The following SYCP1 variants were observed in gnomAD, a reference collection of about 807,000 sequenced individuals.
SYCP1 encodes the protein synaptonemal complex protein 1.
Under a neutral mutation model 153.1 loss-of-function variants are expected in SYCP1, and 64 were observed. The observed-to-expected ratio is 0.42, with a 90% confidence interval of 0.34 to 0.51. SYCP1 has a LOEUF of 0.51. Ranked by LOEUF, SYCP1 falls within the 20% of genes least tolerant of loss-of-function variation. The pLI is 0.06. For synonymous variants in SYCP1, 384 were observed against 341.8 expected (o/e 1.12, Z -1.36); for missense variants, 997 against 1,049.0 (o/e 0.95, Z 0.68).
intron 15 of SYCP1, among the ~76,000 whole-genome samples, chr1:114,892,518 T>TA (rs1412039825): frequency 1.3e-5 from 2 of 152,142 alleles, no homozygotes; most frequent in Admixed American, 1.3e-4. Context: ...CTTCACCTGG[T>TA]AGCTGGCAGT....
At chr1:114,944,719 C>T (rs923839023) in intron 24 of SYCP1, among the ~76,000 whole-genome samples, 153 bp from the exon 25 acceptor site, 8 of 151,798 alleles carry the variant, frequency 5.3e-5, no homozygotes, top group South Asian at 2.1e-4. Context: ...TAAAACACCC[C>T]GAAAAAACCC....
At chr1:114,907,662 A>T (rs1219196820) in intron 16 of SYCP1, among the ~76,000 whole-genome samples, 1 of 151,040 alleles carries the variant, frequency 6.6e-6, no homozygotes, top group East Asian at 1.9e-4. Flanking sequence ...GCTCACTGCA[A>T]GCTCCGCCTC....
At position 114,895,495 on chromosome 1, in the gene SYCP1, T is replaced by A; in HGVS notation, c.1306T>A (p.Leu436Met). Residue 436 changes from leucine (L) to methionine (M), a missense_variant, in exon 16 of 32, where the codon TTG becomes ATG. Around this residue, in one of 2 missense-constraint regions of SYCP1, gnomAD observed 712 missense variants for 682.9 expected, o/e 1.04. Transcript: ENST00000369522. ...TNNKEVELEELKKVLGEKETL... is the reference protein window; with the variant it reads ...TNNKEVELEEMKKVLGEKETL... ...TAACAAAGAAGTAGAACTTGAAGAATTGAAAAAAGTCTTGGTAAGTATAGT... is the reference window on the plus strand; with the variant it reads ...TAACAAAGAAGTAGAACTTGAAGAAATGAAAAAAGTCTTGGTAAGTATAGT... 6.6e-7 allele frequency: 1 copy of A among 1,519,204 alleles called. No homozygotes were observed. Among genetic ancestry groups the A allele is most frequent in the Non-Finnish European group, 9.0e-7 (1 of 1,116,022 alleles). The allele number at this position is 1,519,204 out of a possible 1,614,324, so 94.1% of individuals were successfully genotyped here.
At chr1:114,994,494 A>G (rs925238917) in intron 30 of SYCP1, among the ~76,000 whole-genome samples, 2 of 151,238 alleles carry the variant, frequency 1.3e-5, no homozygotes, top group Admixed American at 6.6e-5. Context: ...CAATTGATTT[A>G]TTTTGTTACT....
intron 27 of SYCP1, among the ~76,000 whole-genome samples, chr1:114,947,585 G>A (rs1405363542): frequency 4.6e-5 from 7 of 151,526 alleles, no homozygotes; most frequent in South Asian, 2.1e-4. Flanking sequence ...AGGCCGAGGC[G>A]GGCGGATCAT....
chr1:114,944,465 A>G lies in SYCP1; in HGVS notation c.2043+10A>G. 6.8e-7 allele frequency: 1 copy of G among 1,468,750 alleles called. No individual in the cohort carries two copies. Among genetic ancestry groups the G allele is most frequent in the Non-Finnish European group, 9.4e-7 (1 of 1,059,304 alleles). The allele number at this position is 1,468,750 out of a possible 1,614,324, so 91.0% of individuals were successfully genotyped here. Reference sequence around the variant, plus strand: ...AAATCTTTTGGAAGAGGTGGGAAAAACTTAATGTATTAAGAACTTATTATA... The same window carrying G: ...AAATCTTTTGGAAGAGGTGGGAAAAGCTTAATGTATTAAGAACTTATTATA... On this transcript the variant is annotated intron_variant, in intron 24 of 31. Coordinates refer to ENST00000369522, the MANE Select transcript of SYCP1 (RefSeq NM_003176.4).
At chr1:114,889,775 C>T (rs991679695) in intron 15 of SYCP1, among the ~76,000 whole-genome samples, 9 of 152,120 alleles carry the variant, frequency 5.9e-5, no homozygotes, top group Non-Finnish European at 8.8e-5. Flanking sequence ...GAAGTCTTTG[C>T]CCATGCCTAT....
At chr1:114,982,186 T>C (rs1173149664) in intron 29 of SYCP1, among the ~76,000 whole-genome samples, 1 of 152,024 alleles carries the variant, frequency 6.6e-6, no homozygotes, top group Non-Finnish European at 1.5e-5. Flanking sequence ...CTGCCTACAT[T>C]CATATCTAAC....
chr1:114,861,928 T>A (rs1245925809), intron 8 of SYCP1, among the ~76,000 whole-genome samples: 1 of 151,180 alleles, frequency 6.6e-6, no homozygotes, highest in Non-Finnish European at 1.5e-5. Flanking sequence ...GCCTCGCGAG[T>A]AGCTGGGATT....
At chr1:114,967,241 G>C (rs1440115976) in intron 27 of SYCP1, among the ~76,000 whole-genome samples, 1 of 152,220 alleles carries the variant, frequency 6.6e-6, no homozygotes, top group Middle Eastern at 3.4e-3. Context: ...TTAATTTTCT[G>C]TCTCATTCTT....
intron 12 of SYCP1, among the ~76,000 whole-genome samples, chr1:114,881,258 C>A (rs1005056978): frequency 6.6e-6 from 1 of 151,684 alleles, no homozygotes; most frequent in Non-Finnish European, 1.5e-5. Context: ...TTTTCAATTT[C>A]TTTGCTCTTT....
chr1:114,886,611 C>A (rs1666325107), intron 14 of SYCP1, among the ~76,000 whole-genome samples: 1 of 152,038 alleles, frequency 6.6e-6, no homozygotes, highest in Admixed American at 6.5e-5. Context: ...TATTTAATGA[C>A]TCTGTAGATT....
intron 12 of SYCP1, among the ~76,000 whole-genome samples, chr1:114,880,736 T>C (rs905210384): frequency 2.0e-5 from 3 of 152,212 alleles, no homozygotes; most frequent in Admixed American, 1.3e-4. Context: ...CAGTTCACTT[T>C]CAGCAGTTTT....
intron 27 of SYCP1, among the ~76,000 whole-genome samples, chr1:114,966,440 G>T (rs939677646): frequency 6.6e-6 from 1 of 152,018 alleles, no homozygotes; most frequent in African/African-American, 2.4e-5. Context: ...TGATGTTAGG[G>T]TATTGGTTTT....
chr1:114,915,929 C>A (rs533098544), intron 20 of SYCP1, among the ~76,000 whole-genome samples: 1 of 152,260 alleles, frequency 6.6e-6, no homozygotes, highest in East Asian at 1.9e-4. Flanking sequence ...TCCCGCCTGC[C>A]TGCAGGATGG....
chr1:114,887,310 A>G (rs185063261), intron 14 of SYCP1, among the ~76,000 whole-genome samples: 4 of 152,172 alleles, frequency 2.6e-5, no homozygotes, highest in African/African-American at 9.6e-5. Flanking sequence ...GTAGTTACAT[A>G]CTCAATTTCT....
At chr1:114,886,416 T>C in intron 14 of SYCP1, 107 bp downstream of exon 14, 1 of 956,566 alleles carries the variant, frequency 1.0e-6, no homozygotes, top group Non-Finnish European at 1.4e-6. Flanking sequence ...GTGTAATTCA[T>C]ATAACAACTG....
intron 23 of SYCP1, among the ~76,000 whole-genome samples, chr1:114,934,636 C>T (rs896878231): frequency 1.3e-5 from 2 of 152,030 alleles, no homozygotes; most frequent in African/African-American, 4.8e-5. Context: ...AGAGTCAAGA[C>T]CCATCAGTGT....
intron 27 of SYCP1, among the ~76,000 whole-genome samples, chr1:114,963,515 C>T (rs189660914): frequency 6.6e-6 from 1 of 152,178 alleles, no homozygotes; most frequent in African/African-American, 2.4e-5. Flanking sequence ...CTAATGCTGT[C>T]CCTCCCCTTG....
Sources: gnomAD v4.1 joint callset for allele counts (sites outside exome capture counted in the v4.1 genomes callset) on GRCh38, gnomAD v4.1.1 for gene constraint, gnomAD v4.1.1 regional missense constraint, MANE v1.5 for transcripts, NCBI Gene and HGNC (gene_info 2026-07-23, HGNC 2026-07-21) for gene names.